The following FAM177B variants were observed in gnomAD, a reference collection of about 807,000 sequenced individuals.
The protein encoded by FAM177B is protein FAM177B.
Under a neutral mutation model 16.1 loss-of-function variants are expected in FAM177B, and 16 were observed. That is an observed-to-expected ratio of 0.99 (90% confidence interval 0.67 to 1.51). The LOEUF (loss-of-function observed/expected upper bound fraction) is 1.51. FAM177B is among the 40% of genes most tolerant of loss of function. FAM177B has a pLI of 0.00. For missense variants in FAM177B, 178 were observed against 183.7 expected (o/e 0.97, Z 0.18); for synonymous variants, 56 against 59.9 (o/e 0.93, Z 0.30).
intron 2 of FAM177B, 33 bp from the exon 3 acceptor site, chr1:222,746,498 T>C: frequency 3.1e-6 from 4 of 1,306,528 alleles, no homozygotes; most frequent in Non-Finnish European, 4.3e-6. Flanking sequence ...TCTGGGTAAC[T>C]TGCCCTAAGG....
At chr1:222,740,041 T>G (rs1658452784) in intron 2 of FAM177B, among the ~76,000 whole-genome samples, 2 of 152,184 alleles carry the variant, frequency 1.3e-5, no homozygotes, top group South Asian at 4.1e-4. Context: ...CTGAGGCTTT[T>G]CTGTGATACA....
chr1:222,745,329 A>G (rs1658741782), intron 2 of FAM177B, among the ~76,000 whole-genome samples: 1 of 152,210 alleles, frequency 6.6e-6, no homozygotes, highest in Non-Finnish European at 1.5e-5. Context: ...AACTTTTAAG[A>G]GACCAGGCAT....
intron 2 of FAM177B, among the ~76,000 whole-genome samples, chr1:222,745,195 C>T (rs1173434910): frequency 6.6e-6 from 1 of 152,192 alleles, no homozygotes; most frequent in African/African-American, 2.4e-5. Flanking sequence ...ATTGAGTTGA[C>T]TCCAGTTTGG....
rs146499894 is a variant in FAM177B, at chr1:222,740,227, T to A, written c.-16+2206T>A. ...AGCAATAAGATTTGGTGATTTATTT[T>A]TATATATATAAGCATATGCATATAT... On this transcript the variant is annotated intron_variant, in intron 2 of 5. Transcript: ENST00000445590. 1.6e-3 allele frequency among the ~76,000 whole-genome samples: 250 copies of A among 152,340 alleles called. 10 individuals carry two copies. In the South Asian group the frequency reaches 0.025, roughly 15 times the overall value.
intron 2 of FAM177B, among the ~76,000 whole-genome samples, chr1:222,738,653 C>A: frequency 6.8e-6 from 1 of 147,968 alleles, no homozygotes; most frequent in African/African-American, 2.5e-5. Context: ...TGGGCAAAAG[C>A]AAGACCGTGT....
In FAM177B at chr1:222,750,317, C is replaced by G; in HGVS notation, c.*259C>G. ...CAAGCCACCCCACCTCAACTCCACCCCTGTGATACAAGTCCCATGAGTACT... is the reference window on the plus strand; with the variant it reads ...CAAGCCACCCCACCTCAACTCCACCGCTGTGATACAAGTCCCATGAGTACT... On this transcript the variant is annotated 3_prime_UTR_variant, in exon 6 of 6. Coordinates refer to ENST00000445590, the MANE Select transcript of FAM177B (RefSeq NM_001394345.1). The G allele has an allele frequency of 6.3e-6, 8 of 1,266,270 alleles. No individual in the cohort carries two copies. The highest frequency in any genetic ancestry group is 3.0e-5 in the African/African-American group (2 of 66,200). 78.4% of individuals were successfully genotyped at this position (1,266,270 alleles called of 1,614,324 possible).
At chr1:222,743,142 T>G (rs1658625807) in intron 2 of FAM177B, among the ~76,000 whole-genome samples, 1 of 149,946 alleles carries the variant, frequency 6.7e-6, no homozygotes, top group African/African-American at 2.5e-5. Flanking sequence ...GTTGGCTTTG[T>G]TTTTGTTTTT....
At position 222,749,544 on chromosome 1, in the gene FAM177B, C is replaced by A. The variant is rs772259032; in HGVS notation, c.321C>A (p.Phe107Leu). 2 of 1,595,268 alleles carry A rather than the reference C, an allele frequency of 1.3e-6. No homozygotes were observed. The highest frequency in any genetic ancestry group is 4.5e-5 in the East Asian group (2 of 44,764). ...AATATCAGTATGTGTTAAACGAGTT[C>A]TATAGGATACAAAACAAGGTATGTG... Reference protein sequence around the residue: ...QPKYQYVLNEFYRIQNKKSDN... With the variant: ...QPKYQYVLNELYRIQNKKSDN... The change falls in exon 5 of 6, where the codon TTC becomes TTA. Residue 107 changes from phenylalanine to leucine, a missense_variant. Coordinates refer to ENST00000445590, the MANE Select transcript of FAM177B (RefSeq NM_001394345.1).
intron 5 of FAM177B, 29 bp downstream of exon 5, chr1:222,749,591 GC>G: frequency 7.6e-7 from 1 of 1,314,350 alleles, no homozygotes; most frequent in African/African-American, 1.5e-5. Context: ...GAAACAAGGG[GC>G]CTGAGATGGG....
chr1:222,744,386 C>T (rs865783750), intron 2 of FAM177B, among the ~76,000 whole-genome samples: 4 of 150,924 alleles, frequency 2.7e-5, no homozygotes, highest in Middle Eastern at 3.4e-3. Flanking sequence ...GCAGGAGAAT[C>T]GCTTGAATCT....
chr1:222,746,549 G>C lies in FAM177B; in HGVS notation c.4G>C (p.Glu2Gln), dbSNP rs1467727862. ...TTTCTAGTTGTTTTGTTTCATTATG[G>C]AGATTGACGGTTTCCAGCAGTTAGA... M[E>Q]IDGFQQLDLE... The change falls in exon 3 of 6, where the codon GAG becomes CAG. Residue 2 changes from glutamate (E) to glutamine (Q), a missense_variant. Transcript: ENST00000445590. 1 of 1,593,990 alleles carries C rather than the reference G, an allele frequency of 6.3e-7. No homozygotes were observed. The highest frequency in any genetic ancestry group is 1.3e-5 in the African/African-American group (1 of 74,138).
intron 4 of FAM177B, among the ~76,000 whole-genome samples, chr1:222,747,983 T>C (rs950072709): frequency 2.0e-5 from 3 of 152,180 alleles, no homozygotes; most frequent in African/African-American, 2.4e-5. Context: ...TGCTGACATG[T>C]GGGGGAGACC....
intron 4 of FAM177B, 92 bp downstream of exon 4, chr1:222,747,173 C>T: frequency 2.4e-6 from 2 of 844,448 alleles, no homozygotes; most frequent in East Asian, 4.9e-5. Context: ...TTGTGTAAGC[C>T]ACTCCATCGC....
In FAM177B at chr1:222,749,997, A is replaced by G; in HGVS notation, c.416A>G (p.Glu139Gly). Residue 139 changes from glutamate to glycine, a missense_variant, in exon 6 of 6, where the codon GAG becomes GGG. Transcript: ENST00000445590. ...GTTCCTAATGAAAAGTGTCACTTGG[A>G]GGCTGGGGTCCAAGAGTATGGAACC... ...AEVPNEKCHL[E>G]AGVQEYGTIQ... 6.2e-7 allele frequency: 1 copy of G among 1,614,084 alleles called. No individual in the cohort carries two copies. The highest frequency in any genetic ancestry group is 8.5e-7 in the Non-Finnish European group (1 of 1,179,946).
intron 2 of FAM177B, among the ~76,000 whole-genome samples, chr1:222,741,426 T>A (rs1288282039): frequency 6.6e-6 from 1 of 152,182 alleles, no homozygotes; most frequent in Non-Finnish European, 1.5e-5. Flanking sequence ...TTTCCTATTA[T>A]TAATCTTTCA....
chr1:222,738,892 C>T (rs1394895573), intron 2 of FAM177B, among the ~76,000 whole-genome samples: 2 of 152,128 alleles, frequency 1.3e-5, no homozygotes, highest in Non-Finnish European at 1.5e-5. Flanking sequence ...TTCAGTAAAC[C>T]AACTGTGAGC....
chr1:222,749,625 G>A, intron 5 of FAM177B, 63 bp downstream of exon 5: 1 of 993,128 alleles, frequency 1.0e-6, no homozygotes, highest in Non-Finnish European at 1.5e-6. Context: ...TCCAAATTTA[G>A]GCCAGTATAG....
At chr1:222,738,064 G>A (rs1658361366) in intron 2 of FAM177B, 43 bp downstream of exon 2, 1 of 152,266 alleles carries the variant, frequency 6.6e-6, no homozygotes, top group Admixed American at 6.6e-5. Flanking sequence ...TGGAGGGAGA[G>A]TTGCACTGAA....
At chr1:222,749,712 G>C (rs1359989284) in intron 5 of FAM177B, 150 bp downstream of exon 5, 20 of 750,270 alleles carry the variant, frequency 2.7e-5, no homozygotes, top group Non-Finnish European at 4.0e-5. Flanking sequence ...TATTTTTCTA[G>C]TTCTGTTCAC....
Sources: gnomAD v4.1 joint callset for allele counts (sites outside exome capture counted in the v4.1 genomes callset) on GRCh38, gnomAD v4.1.1 for gene constraint, MANE v1.5 for transcripts, NCBI Gene and HGNC (gene_info 2026-07-23, HGNC 2026-07-21) for gene names.